Variants in MAGI2 observed in about 807,000 individuals in gnomAD.
The protein encoded by MAGI2 is membrane-associated guanylate kinase, WW and PDZ domain-containing protein 2.
In MAGI2, 35 loss-of-function variants were observed where a neutral mutation model predicts 133.3. The observed-to-expected ratio is 0.26, with a 90% confidence interval of 0.20 to 0.35. MAGI2 has a LOEUF of 0.35. Ranked by LOEUF, MAGI2 falls within the 10% of genes least tolerant of loss-of-function variation. The pLI is 1.00. For missense variants in MAGI2, 1,636 were observed against 1,863.4 expected (o/e 0.88, Z 2.25); for synonymous variants, 729 against 710.6 (o/e 1.03, Z -0.41).
chr7:78,851,405 G>A (rs1584145568), intron 2 of MAGI2, among the ~76,000 whole-genome samples: 1 of 152,030 alleles, frequency 6.6e-6, no homozygotes, highest in Non-Finnish European at 1.5e-5. Flanking sequence ...GAGAGTAACT[G>A]TCTCAGACAG....
chr7:79,085,892 G>A (rs987265769), intron 1 of MAGI2, among the ~76,000 whole-genome samples: 11 of 151,894 alleles, frequency 7.2e-5, no homozygotes, highest in African/African-American at 2.7e-4. Flanking sequence ...ATGGCAGGCA[G>A]TTTACAACTG....
At chr7:78,043,654 C>T (rs371347632) in intron 21 of MAGI2, among the ~76,000 whole-genome samples, 14 of 152,266 alleles carry the variant, frequency 9.2e-5, no homozygotes, top group African/African-American at 2.9e-4. Flanking sequence ...GAAATTTTAA[C>T]GGATGTACAG....
intron 6 of MAGI2, among the ~76,000 whole-genome samples, chr7:78,428,213 T>C (rs115038186): frequency 0.015 from 2,217 of 152,234 alleles, 59 homozygotes; most frequent in African/African-American, 0.052. Context: ...ATGGAGGAAT[T>C]GGGAAAAGGG....
chr7:78,375,997 T>C (rs141394167), intron 6 of MAGI2, among the ~76,000 whole-genome samples: 22 of 152,276 alleles, frequency 1.4e-4, no homozygotes, highest in African/African-American at 4.8e-4. Flanking sequence ...TCTTTTTTCC[T>C]TTATTCAAAA....
At chr7:78,433,920 A>T (rs564541615) in intron 6 of MAGI2, among the ~76,000 whole-genome samples, 1 of 152,278 alleles carries the variant, frequency 6.6e-6, no homozygotes, top group African/African-American at 2.4e-5. Flanking sequence ...TTAGCTAATC[A>T]TTGAATGAAT....
intron 1 of MAGI2, among the ~76,000 whole-genome samples, chr7:79,182,928 A>C (rs1381361888): frequency 6.6e-6 from 1 of 151,972 alleles, no homozygotes; most frequent in Non-Finnish European, 1.5e-5. Flanking sequence ...AGGTTACGAG[A>C]AATAAGCCAT....
intron 2 of MAGI2, among the ~76,000 whole-genome samples, chr7:78,993,456 C>A (rs1213488235): frequency 1.3e-5 from 2 of 152,008 alleles, no homozygotes; most frequent in Admixed American, 6.6e-5. Context: ...CCTTTCAAAA[C>A]CAAAGGACTT....
At chr7:78,358,042 G>A (rs1792279037) in intron 7 of MAGI2, among the ~76,000 whole-genome samples, 1 of 150,048 alleles carries the variant, frequency 6.7e-6, no homozygotes, top group African/African-American at 2.4e-5. Flanking sequence ...AATGTGTTCA[G>A]CTTTGACAGA....
rs1816673771 is a variant in MAGI2, at chr7:78,688,987, T to G, written c.419-61748A>C. Among the ~76,000 whole-genome samples, 4 of 152,338 alleles carry G rather than the reference T, an allele frequency of 2.6e-5. No individual in the cohort carries two copies. In the South Asian group the frequency reaches 8.3e-4, roughly 32 times the overall value. On this transcript the variant is annotated intron_variant, in intron 2 of 21. Coordinates refer to ENST00000354212, the MANE Select transcript of MAGI2 (RefSeq NM_012301.4). ...GTTAACATTATTTTTCAGTACTCTC[T>G]TTCTTTAAACAGAAGTTGAGATATC...
At chr7:78,067,934 A>C (rs1388832005) in intron 21 of MAGI2, among the ~76,000 whole-genome samples, 1 of 152,212 alleles carries the variant, frequency 6.6e-6, no homozygotes, top group African/African-American at 2.4e-5. Context: ...GAGGGAATGG[A>C]TGAATAGATG....
chr7:78,249,690 G>A (rs1156488520), intron 10 of MAGI2, among the ~76,000 whole-genome samples: 2 of 152,072 alleles, frequency 1.3e-5, no homozygotes, highest in South Asian at 4.1e-4. Flanking sequence ...ATAGTGGATA[G>A]CAGTGGCTGG....
chr7:79,422,487 T>C (rs1055503438), intron 1 of MAGI2, among the ~76,000 whole-genome samples: 2 of 151,906 alleles, frequency 1.3e-5, no homozygotes, highest in African/African-American at 2.4e-5. Context: ...CAGAAAAAAA[T>C]GTAAAATGTC....
intron 10 of MAGI2, among the ~76,000 whole-genome samples, chr7:78,235,554 T>C (rs1790441149): frequency 6.6e-6 from 1 of 152,098 alleles, no homozygotes; most frequent in Non-Finnish European, 1.5e-5. Context: ...GAGGGACTTT[T>C]CCCCCTTTGC....
chr7:78,383,055 A>G (rs1430128527), intron 6 of MAGI2, among the ~76,000 whole-genome samples: 2 of 152,166 alleles, frequency 1.3e-5, no homozygotes, highest in Non-Finnish European at 2.9e-5. Flanking sequence ...TATTTTGAAT[A>G]GTGCTGCAAT....
chr7:78,153,789 G>T (rs1824121686), intron 16 of MAGI2, among the ~76,000 whole-genome samples: 1 of 152,190 alleles, frequency 6.6e-6, no homozygotes, highest in African/African-American at 2.4e-5. Context: ...GTAATTTAGA[G>T]CTGGAAGAGG....
At chr7:78,092,815 C>T (rs1004511577) in intron 20 of MAGI2, among the ~76,000 whole-genome samples, 1 of 152,060 alleles carries the variant, frequency 6.6e-6, no homozygotes, top group African/African-American at 2.4e-5. Context: ...GAGACTTTCC[C>T]ATGCATATGT....
At chr7:78,894,657 TA>T (rs1180082255) in intron 2 of MAGI2, among the ~76,000 whole-genome samples, 1 of 152,104 alleles carries the variant, frequency 6.6e-6, no homozygotes, top group Non-Finnish European at 1.5e-5. Flanking sequence ...AATTTAAGAT[TA>T]AAAATAGATT....
At chr7:79,109,063 T>A (rs1285145510) in intron 1 of MAGI2, among the ~76,000 whole-genome samples, 2 of 152,206 alleles carry the variant, frequency 1.3e-5, no homozygotes, top group African/African-American at 4.8e-5. Context: ...CCTCTTCTCT[T>A]TATAGACTAT....
chr7:79,171,778 T>A (rs1234126294), intron 1 of MAGI2, among the ~76,000 whole-genome samples: 133 of 42,476 alleles, frequency 3.1e-3, no homozygotes, highest in South Asian at 5.6e-3. Context: ...ATATTTTTTT[T>A]TTTTTTTTCT....
Sources: allele counts gnomAD v4.1 joint callset (sites outside exome capture counted in the v4.1 genomes callset), GRCh38; gene constraint gnomAD v4.1.1; transcripts MANE v1.5; gene names NCBI Gene and HGNC (gene_info 2026-07-23, HGNC 2026-07-21).